Variants in MYO1D observed in about 807,000 individuals in gnomAD.
The protein encoded by MYO1D is myosin ID, also known as unconventional myosin-Id.
MYO1D carries 83 observed loss-of-function variants against 122.0 expected under a neutral mutation model. That is an observed-to-expected ratio of 0.68 (90% CI 0.57 to 0.82). The LOEUF is 0.82. Among genes scored for constraint, MYO1D ranks in the 40% least tolerant of loss-of-function variants. The pLI, the probability that MYO1D is intolerant of heterozygous loss-of-function variation, is 0.00. For synonymous variants in MYO1D, 464 were observed against 446.9 expected, an observed-to-expected ratio of 1.04 and a Z score of -0.48; for missense variants, 1,157 against 1,269.5, an observed-to-expected ratio of 0.91 and a Z score of 1.35.
intron 19 of MYO1D, among the ~76,000 whole-genome samples, chr17:32,641,610 T>C (rs2088202219): frequency 6.6e-6 from 1 of 152,226 alleles, no homozygotes; most frequent in Non-Finnish European, 1.5e-5. Context: ...TTCCTGACTT[T>C]TTAATGATCG....
intron 1 of MYO1D, chr17:32,830,144 G>A (rs563646946): frequency 3.3e-5 from 5 of 152,142 alleles, no homozygotes; most frequent in Non-Finnish European, 7.4e-5. Context: ...AACCGAGAAA[G>A]TGATAACATT....
chr17:32,771,422 C>A (rs578056840), intron 5 of MYO1D, among the ~76,000 whole-genome samples: 1 of 152,172 alleles, frequency 6.6e-6, no homozygotes, highest in African/African-American at 2.4e-5. Flanking sequence ...GAATGTTATG[C>A]AGTCATAAAG....
intron 11 of MYO1D, among the ~76,000 whole-genome samples, chr17:32,754,364 G>A (rs773399313): frequency 1.3e-5 from 2 of 152,172 alleles, no homozygotes; most frequent in Non-Finnish European, 2.9e-5. Flanking sequence ...AATGACTGAA[G>A]CAGTACCTCT....
In MYO1D at chr17:32,616,553, C is replaced by T. The variant is rs190673544; in HGVS notation, c.2710-11312G>A. On this transcript the variant is annotated intron_variant, in intron 20 of 21. Transcript: ENST00000318217. ...CAGACTGGTCTTGAATTCCAGGCCT[C>T]AAGTGGTCCTCCTGCCTTGGCGTCC... Among the ~76,000 whole-genome samples, 104 of 150,710 alleles carry T rather than the reference C, an allele frequency of 6.9e-4. 3 individuals carry two copies. In the East Asian group the frequency reaches 0.014, roughly 20 times the overall value.
chr17:32,560,809 G>A lies in MYO1D; in HGVS notation c.2864+44278C>T, dbSNP rs182433778. 3.2e-3 allele frequency among the ~76,000 whole-genome samples: 480 copies of A among 150,746 alleles called. 2 individuals are homozygous for A. The highest frequency in any genetic ancestry group is 0.011 in the African/African-American group (457 of 41,052). ...TAATTTTTGTATTTTTAGTAGAGAC[G>A]GGGTTTCATCGTGTTGTTCAGGCTG... On this transcript the variant is annotated intron_variant, in intron 21 of 21. Transcript: ENST00000318217.
At chr17:32,863,575 T>C (rs2091096337) in intron 1 of MYO1D, among the ~76,000 whole-genome samples, 1 of 152,256 alleles carries the variant, frequency 6.6e-6, no homozygotes, top group Non-Finnish European at 1.5e-5. Flanking sequence ...TAAAAGTTAA[T>C]TTAGATCAAC....
rs796874609 is a variant in MYO1D at position 32,494,969 on chromosome 17, G to A, written c.2865-54C>T. 10 of 1,513,432 alleles carry A rather than the reference G, an allele frequency of 6.6e-6. No individual in the cohort carries two copies. In the African/African-American group the frequency reaches 1.1e-4, roughly 17 times the overall value. 93.8% of individuals were successfully genotyped at this position (1,513,432 alleles called of 1,614,324 possible). A position where few individuals can be genotyped will look rare whatever the true frequency, so the allele number is the denominator to read the frequency against. ...AGTTAGCAGGCAGCATGAGAACAGG[G>A]CACCTGCCCGGCAGCTCCCGGCCAC... On this transcript the variant is annotated intron_variant, in intron 21 of 21. Coordinates refer to ENST00000318217, the MANE Select transcript of MYO1D (RefSeq NM_015194.3).
At chr17:32,738,427 T>C (rs766692618) in intron 13 of MYO1D, 42 bp from the exon 14 acceptor site, 1 of 1,521,458 alleles carries the variant, frequency 6.6e-7, no homozygotes, top group Non-Finnish European at 8.8e-7. Flanking sequence ...CACATTCAAA[T>C]AAGCTGGATA....
At chr17:32,568,467 T>A (rs547342002) in intron 21 of MYO1D, among the ~76,000 whole-genome samples, 1 of 152,334 alleles carries the variant, frequency 6.6e-6, no homozygotes, top group African/African-American at 2.4e-5. Context: ...GCTGGAGTTA[T>A]CTTTCCAGGA....
At chr17:32,635,321 C>T (rs1210930157) in intron 20 of MYO1D, among the ~76,000 whole-genome samples, 1 of 152,158 alleles carries the variant, frequency 6.6e-6, no homozygotes, top group African/African-American at 2.4e-5. Flanking sequence ...AGCAGGGTCC[C>T]TTAAAGCTGC....
intron 21 of MYO1D, among the ~76,000 whole-genome samples, chr17:32,583,950 AAC>A (rs2087364482): frequency 6.6e-6 from 1 of 152,182 alleles, no homozygotes; most frequent in Admixed American, 6.5e-5. Context: ...TTTTTGTTAA[AAC>A]ACAGTTGTAA....
intron 11 of MYO1D, among the ~76,000 whole-genome samples, chr17:32,754,732 C>T (rs1490193989): frequency 6.6e-6 from 1 of 152,146 alleles, no homozygotes; most frequent in East Asian, 1.9e-4. Flanking sequence ...CATATGGTTA[C>T]TAGACAAGAC....
chr17:32,834,578 C>G (rs2090803806), intron 1 of MYO1D, among the ~76,000 whole-genome samples: 1 of 152,220 alleles, frequency 6.6e-6, no homozygotes, highest in South Asian at 2.1e-4. Context: ...CACTATCATT[C>G]AATTCCTCAT....
Position 32,760,531 on chromosome 17 carries a change from CAG to C in MYO1D, c.1130_1131del (p.Thr377SerfsTer11). 1.2e-6 allele frequency: 2 copies of C among 1,613,960 alleles called. No individual in the cohort carries two copies. Among genetic ancestry groups the C allele is most frequent in the Admixed American group, 3.3e-5 (2 of 60,024 alleles). ...CCATAGATATCCAAGACACCAATAA[CAG>C]TGTTTTTCCCATGGATTGTGGTGTC... ...NYDTTIHGKN[T>X]VIGVLDIYGF... On this transcript the variant is annotated frameshift_variant, in exon 9 of 22. Transcript: ENST00000318217. LOFTEE classifies it high-confidence loss of function.
intron 16 of MYO1D, among the ~76,000 whole-genome samples, chr17:32,708,144 A>G (rs770138589): frequency 5.3e-5 from 8 of 152,256 alleles, no homozygotes; most frequent in Non-Finnish European, 1.0e-4. Context: ...GGGGGTGAGA[A>G]GAAATGTGGG....
intron 21 of MYO1D, among the ~76,000 whole-genome samples, chr17:32,526,737 C>G (rs115466117): frequency 2.0e-5 from 3 of 152,160 alleles, no homozygotes; most frequent in African/African-American, 7.2e-5. Context: ...ACTGCAGCCC[C>G]GACCTCCTGA....
At chr17:32,845,931 C>T (rs1403735532) in intron 1 of MYO1D, among the ~76,000 whole-genome samples, 3 of 151,264 alleles carry the variant, frequency 2.0e-5, no homozygotes, top group African/African-American at 4.9e-5. Flanking sequence ...TTCTGAAATA[C>T]TGTAGAGGAA....
chr17:32,646,186 A>T (rs1225949142), intron 19 of MYO1D, among the ~76,000 whole-genome samples: 1 of 152,234 alleles, frequency 6.6e-6, no homozygotes, highest in East Asian at 1.9e-4. Flanking sequence ...TGTTTAACCC[A>T]GTATTTACAA....
intron 21 of MYO1D, among the ~76,000 whole-genome samples, chr17:32,508,464 C>A (rs753575187): frequency 1.3e-5 from 2 of 151,816 alleles, no homozygotes; most frequent in Non-Finnish European, 2.9e-5. Flanking sequence ...TTACTAGAGA[C>A]GGAATTTTGG....
Sources: allele counts gnomAD v4.1 joint callset (sites outside exome capture counted in the v4.1 genomes callset), GRCh38; gene constraint gnomAD v4.1.1; transcripts MANE v1.5; gene names NCBI Gene and HGNC (gene_info 2026-07-23, HGNC 2026-07-21).